MAN2A1: variants seen among roughly 807,000 people sequenced by gnomAD.
The protein encoded by MAN2A1 is alpha-mannosidase 2.
In MAN2A1, 76 loss-of-function variants were observed where a neutral mutation model predicts 142.6. The ratio of observed to expected loss-of-function variants is 0.53; its 90% CI spans 0.44 to 0.65. The LOEUF is 0.65. Among genes scored for constraint, MAN2A1 ranks in the 30% least tolerant of loss-of-function variants. The pLI is 0.00. For missense variants in MAN2A1, 1,311 were observed against 1,365.1 expected, an observed-to-expected ratio of 0.96 and a Z score of 0.62; for synonymous variants, 559 against 473.2, an observed-to-expected ratio of 1.18 and a Z score of -2.35.
At chr5:109,754,915 C>T (rs1232220973) in intron 4 of MAN2A1, among the ~76,000 whole-genome samples, 3 of 152,216 alleles carry the variant, frequency 2.0e-5, no homozygotes, top group East Asian at 3.8e-4. Flanking sequence ...GCAGGAGAAT[C>T]GCTTGAACCT....
At chr5:109,813,686 C>T (rs940716031) in intron 12 of MAN2A1, among the ~76,000 whole-genome samples, 22 of 152,190 alleles carry the variant, frequency 1.4e-4, no homozygotes, top group Admixed American at 1.4e-3. Flanking sequence ...TTTTAGTGGG[C>T]ACTGATTAGA....
rs970842605 is a variant in MAN2A1, at chr5:109,774,266, A to G, written c.1197-522A>G. 3.3e-5 allele frequency among the ~76,000 whole-genome samples: 5 copies of G among 152,262 alleles called. No individual in the cohort carries two copies. In the East Asian group the frequency reaches 9.6e-4, roughly 29 times the overall value. The stretch of plus-strand genomic sequence containing the variant: ...GAAATATGACTCTATAAAATGTTAC[A>G]GATTAACATTTATTCCCTTTTGGTT... On this transcript the variant is annotated intron_variant, in intron 7 of 21. Transcript: ENST00000261483.
chr5:109,710,738 T>A (rs1190377804), intron 1 of MAN2A1, among the ~76,000 whole-genome samples: 1 of 152,064 alleles, frequency 6.6e-6, no homozygotes, highest in Non-Finnish European at 1.5e-5. Context: ...TTGCCGAGCC[T>A]GGGGTGCAAT....
At chr5:109,712,683 C>T (rs1311241453) in intron 1 of MAN2A1, among the ~76,000 whole-genome samples, 1 of 152,080 alleles carries the variant, frequency 6.6e-6, no homozygotes, top group Non-Finnish European at 1.5e-5. Context: ...AAGACAGGGG[C>T]CCGTATCTTA....
intron 21 of MAN2A1, 85 bp from the exon 22 acceptor site, chr5:109,866,761 C>A: frequency 1.2e-6 from 1 of 843,040 alleles, no homozygotes; most frequent in South Asian, 1.9e-5. Flanking sequence ...TATTCCTTCT[C>A]ATACTAATTT....
intron 3 of MAN2A1, among the ~76,000 whole-genome samples, chr5:109,721,891 A>G (rs145873764): frequency 3.3e-5 from 5 of 152,322 alleles, no homozygotes; most frequent in Non-Finnish European, 7.3e-5. Context: ...GGGAATTATT[A>G]TGTTCTGTGC....
intron 10 of MAN2A1, among the ~76,000 whole-genome samples, chr5:109,788,124 A>G (rs1753641468): frequency 6.6e-6 from 1 of 151,444 alleles, no homozygotes; most frequent in Non-Finnish European, 1.5e-5. Flanking sequence ...ATAATTGAAA[A>G]CGTGATTAGC....
chr5:109,797,779 G>A (rs1320787520), intron 12 of MAN2A1, among the ~76,000 whole-genome samples: 1 of 151,964 alleles, frequency 6.6e-6, no homozygotes, highest in Non-Finnish European at 1.5e-5. Context: ...AAGGAAAAAG[G>A]ACATATTAAA....
At chr5:109,827,361 C>G (rs1027371109) in intron 16 of MAN2A1, among the ~76,000 whole-genome samples, 31 of 152,260 alleles carry the variant, frequency 2.0e-4, no homozygotes, top group Non-Finnish European at 1.9e-4. Flanking sequence ...TAACGCATAC[C>G]TGACAAAATA....
chr5:109,702,296 G>C (rs11241030), intron 1 of MAN2A1, among the ~76,000 whole-genome samples: 23,038 of 149,252 alleles, frequency 0.15, 1,998 homozygotes, highest in African/African-American at 0.25. Flanking sequence ...TTTTTTTCTG[G>C]GTTAAGACAG....
chr5:109,751,663 T>C (rs1052894197), intron 4 of MAN2A1, among the ~76,000 whole-genome samples: 2 of 152,122 alleles, frequency 1.3e-5, no homozygotes, highest in Non-Finnish European at 2.9e-5. Context: ...CACTGATGTG[T>C]TTATTTCTAA....
rs138273712 is a variant in MAN2A1, at chr5:109,727,831, A to G, written c.536-1511A>G. Among the ~76,000 whole-genome samples the G allele has an allele frequency of 2.1e-3, 317 of 152,282 alleles. 2 individuals are homozygous for G. Among genetic ancestry groups the G allele is most frequent in the African/African-American group, 7.4e-3 (309 of 41,560 alleles). On this transcript the variant is annotated intron_variant, in intron 3 of 21. Transcript: ENST00000261483. ...CTATTCCCTGGGAATCCAGAGGTGGATCCTGGCTCAGTGCTCTGGGGGCAG... is the reference window on the plus strand; with the variant it reads ...CTATTCCCTGGGAATCCAGAGGTGGGTCCTGGCTCAGTGCTCTGGGGGCAG...
chr5:109,825,416 T>C (rs539269232), intron 16 of MAN2A1, among the ~76,000 whole-genome samples: 1 of 152,354 alleles, frequency 6.6e-6, no homozygotes, highest in Non-Finnish European at 1.5e-5. Context: ...TCAGAGGAAA[T>C]GCTGTAGCAA....
intron 15 of MAN2A1, among the ~76,000 whole-genome samples, chr5:109,821,421 T>A (rs1754619645): frequency 6.6e-6 from 1 of 152,222 alleles, no homozygotes; most frequent in African/African-American, 2.4e-5. Context: ...TTCTGATTAA[T>A]TGCTGAGAAT....
chr5:109,750,653 C>G (rs1218125980), intron 4 of MAN2A1, among the ~76,000 whole-genome samples: 1 of 151,834 alleles, frequency 6.6e-6, no homozygotes, highest in East Asian at 1.9e-4. Flanking sequence ...TATTTTTGAC[C>G]TAGTCATGCA....
chr5:109,867,886 G>A lies in MAN2A1; in HGVS notation c.*888G>A, dbSNP rs934579532. ...ATCAGTGTCCATATTACTGTTTGGGGAAGGGGGAATGTTGTGGGGTCTGGG... is the reference window on the plus strand; with the variant it reads ...ATCAGTGTCCATATTACTGTTTGGGAAAGGGGGAATGTTGTGGGGTCTGGG... On this transcript the variant is annotated 3_prime_UTR_variant, in exon 22 of 22. Transcript: ENST00000261483. The A allele has an allele frequency of 2.0e-5, 3 of 152,074 alleles. No individual in the cohort carries two copies. The highest frequency in any genetic ancestry group is 2.0e-4 in the Admixed American group (3 of 15,278). 9.4% of individuals were successfully genotyped at this position (152,074 alleles called of 1,614,324 possible).
intron 1 of MAN2A1, among the ~76,000 whole-genome samples, chr5:109,696,138 G>A (rs755538052): frequency 2.0e-5 from 3 of 151,472 alleles, no homozygotes; most frequent in Non-Finnish European, 4.4e-5. Context: ...GTCTCACTAT[G>A]TTGGCAGACT....
At chr5:109,704,512 G>C (rs1751075861) in intron 1 of MAN2A1, among the ~76,000 whole-genome samples, 1 of 152,066 alleles carries the variant, frequency 6.6e-6, no homozygotes, top group Non-Finnish European at 1.5e-5. Context: ...TGACAGACAG[G>C]TGGAGATACA....
intron 16 of MAN2A1, among the ~76,000 whole-genome samples, chr5:109,832,266 A>C (rs1200640839): frequency 6.7e-6 from 1 of 148,164 alleles, no homozygotes; most frequent in African/African-American, 2.5e-5. Flanking sequence ...AGGGAAGGTC[A>C]GCAGATAAAC....
Sources: gnomAD v4.1 joint callset for allele counts (sites outside exome capture counted in the v4.1 genomes callset) on GRCh38, gnomAD v4.1.1 for gene constraint, MANE v1.5 for transcripts, NCBI Gene and HGNC (gene_info 2026-07-23, HGNC 2026-07-21) for gene names.